ENTREP2: variants seen among roughly 807,000 people sequenced by gnomAD.
ENTREP2 encodes the protein endosomal transmembrane epsin interactor 2.
At chr15:29,657,225 T>C in the ENTREP2 span, among the ~76,000 whole-genome samples, 1 of 151,682 alleles carries the variant, frequency 6.6e-6, no homozygotes, top group African/African-American at 2.4e-5. Context: ...CTTTTTTTTT[T>C]TCTTTTTGCA....
At chr15:29,184,100 T>C in the ENTREP2 span, among the ~76,000 whole-genome samples, 1 of 152,130 alleles carries the variant, frequency 6.6e-6, no homozygotes, top group Non-Finnish European at 1.5e-5. Flanking sequence ...TTCTCCTGCC[T>C]CAGCCTCCTG....
the ENTREP2 span, chr15:29,136,236 G>T: frequency 2.2e-5 from 21 of 974,726 alleles, no homozygotes; most frequent in African/African-American, 1.0e-4. Flanking sequence ...TCGGCACAGG[G>T]CGCTCATGAG....
the ENTREP2 span, among the ~76,000 whole-genome samples, chr15:29,197,605 A>C: frequency 3.9e-5 from 6 of 152,080 alleles, no homozygotes; most frequent in African/African-American, 1.4e-4. Context: ...GTCTCTACTA[A>C]AAATACAAAA....
At chr15:29,560,354 G>T in the ENTREP2 span, among the ~76,000 whole-genome samples, 1 of 152,204 alleles carries the variant, frequency 6.6e-6, no homozygotes, top group African/African-American at 2.4e-5. Flanking sequence ...AATAGGGTAT[G>T]TCAAGAGGAG....
chr15:29,289,975 A>G, the ENTREP2 span, among the ~76,000 whole-genome samples: 4 of 152,204 alleles, frequency 2.6e-5, no homozygotes, highest in African/African-American at 9.7e-5. Context: ...GTATACGACG[A>G]AACACTGTAC....
chr15:29,264,421 G>A, the ENTREP2 span, among the ~76,000 whole-genome samples: 1 of 152,154 alleles, frequency 6.6e-6, no homozygotes, highest in Non-Finnish European at 1.5e-5. Flanking sequence ...ACTCTGCAGT[G>A]GAGGCACATG....
chr15:29,580,657 A>G, the ENTREP2 span, among the ~76,000 whole-genome samples: 10 of 152,330 alleles, frequency 6.6e-5, no homozygotes, highest in East Asian at 1.7e-3. Flanking sequence ...ATCTAACACC[A>G]TTGGTAGACT....
chr15:29,406,805 C>A, the ENTREP2 span, among the ~76,000 whole-genome samples: 1 of 152,054 alleles, frequency 6.6e-6, no homozygotes, highest in African/African-American at 2.4e-5. Context: ...GCAGACACAG[C>A]CAAATGCACA....
chr15:29,477,759 G>T, the ENTREP2 span, among the ~76,000 whole-genome samples: 1 of 151,992 alleles, frequency 6.6e-6, no homozygotes, highest in Admixed American at 6.6e-5. Context: ...GGAGACTCAA[G>T]GCTGTACCCA....
At chr15:29,604,681 T>C in the ENTREP2 span, among the ~76,000 whole-genome samples, 1 of 151,616 alleles carries the variant, frequency 6.6e-6, no homozygotes, top group South Asian at 2.1e-4. Flanking sequence ...AACCAAAATA[T>C]TGTTTTATTT....
At chr15:29,440,014 A>G in the ENTREP2 span, among the ~76,000 whole-genome samples, 1 of 152,208 alleles carries the variant, frequency 6.6e-6, no homozygotes, top group Non-Finnish European at 1.5e-5. Context: ...AAAGCATCAG[A>G]CAAACCCAAA....
the ENTREP2 span, among the ~76,000 whole-genome samples, chr15:29,339,553 A>C: frequency 6.6e-6 from 1 of 152,224 alleles, no homozygotes; most frequent in African/African-American, 2.4e-5. Context: ...TGTCACCATA[A>C]TATTTCAATC....
At chr15:29,557,007 T>G in the ENTREP2 span, among the ~76,000 whole-genome samples, 1 of 152,134 alleles carries the variant, frequency 6.6e-6, no homozygotes, top group Admixed American at 6.5e-5. Flanking sequence ...AGCTGATAAG[T>G]TTGTCTATGA....
chr15:29,414,513 A>T, the ENTREP2 span, among the ~76,000 whole-genome samples: 1 of 152,220 alleles, frequency 6.6e-6, no homozygotes, highest in Non-Finnish European at 1.5e-5. Context: ...TGTAGAGGGA[A>T]ATTTATAGCA....
At chr15:29,261,528 C>T in the ENTREP2 span, among the ~76,000 whole-genome samples, 1 of 152,228 alleles carries the variant, frequency 6.6e-6, no homozygotes, top group African/African-American at 2.4e-5. Flanking sequence ...AAGGAAAAGA[C>T]AAAAAGAAAA....
the ENTREP2 span, among the ~76,000 whole-genome samples, chr15:29,641,898 A>G: frequency 2.6e-5 from 4 of 152,094 alleles, no homozygotes; most frequent in Admixed American, 6.6e-5. Flanking sequence ...AAAAGGAATA[A>G]AATACCTAGG....
chr15:29,548,446 T>G, the ENTREP2 span, among the ~76,000 whole-genome samples: 1 of 97,666 alleles, frequency 1.0e-5, no homozygotes, highest in African/African-American at 4.9e-5. Context: ...GAGAGCGAGA[T>G]TCTGCCTAAA....
the ENTREP2 span, among the ~76,000 whole-genome samples, chr15:29,135,894 C>T: frequency 0.01 from 1,524 of 152,284 alleles, 27 homozygotes; most frequent in African/African-American, 0.036. The surrounding 1 kb of genome is among the most constrained non-coding windows in gnomAD (Gnocchi z 7.4). Flanking sequence ...CAAGACAGGC[C>T]GGGGCGCCCT....
chr15:29,577,805 T>C, the ENTREP2 span, among the ~76,000 whole-genome samples: 9 of 152,162 alleles, frequency 5.9e-5, no homozygotes, highest in Admixed American at 4.6e-4. Flanking sequence ...CCATGAACAT[T>C]AGGCTAAGTG....
Sources: gnomAD v4.1 joint callset for allele counts (sites outside exome capture counted in the v4.1 genomes callset) on GRCh38, gnomAD v4.1.1 for gene constraint, Gnocchi (gnomAD v3.1) non-coding constraint, MANE v1.5 for transcripts, NCBI Gene and HGNC (gene_info 2026-07-23, HGNC 2026-07-21) for gene names.